The following GRM7 variants were observed in gnomAD, a reference collection of about 807,000 sequenced individuals.
GRM7 encodes metabotropic glutamate receptor 7.
In GRM7, 35 loss-of-function variants were observed where a neutral mutation model predicts 84.5. That is an observed-to-expected ratio of 0.41 (90% CI 0.32 to 0.55). The LOEUF (loss-of-function observed/expected upper bound fraction) is 0.55, where lower values mean the gene tolerates loss of function less well. Among genes scored for constraint, GRM7 ranks in the 20% least tolerant of loss-of-function variants. GRM7 has a pLI of 0.19. For missense variants in GRM7, 1,003 were observed against 1,194.6 expected (o/e 0.84, Z 2.36); for synonymous variants, 487 against 455.1 (o/e 1.07, Z -0.89).
chr3:7,114,324 C>G (rs1044140723), intron 1 of GRM7, among the ~76,000 whole-genome samples: 1 of 152,098 alleles, frequency 6.6e-6, no homozygotes, highest in Non-Finnish European at 1.5e-5. Flanking sequence ...CCTTCACATA[C>G]CTTACTTCAA....
At chr3:7,699,626 T>G (rs1284841326) in intron 9 of GRM7, among the ~76,000 whole-genome samples, 1 of 152,218 alleles carries the variant, frequency 6.6e-6, no homozygotes, top group African/African-American at 2.4e-5. Flanking sequence ...TTTTTTTCTT[T>G]TCTGCTACTT....
intron 2 of GRM7, among the ~76,000 whole-genome samples, chr3:7,294,809 C>T (rs973489661): frequency 6.6e-6 from 1 of 152,174 alleles, no homozygotes; most frequent in African/African-American, 2.4e-5. Context: ...AAGTGAGGAT[C>T]AGAAATGTGC....
intron 4 of GRM7, among the ~76,000 whole-genome samples, chr3:7,391,026 G>A (rs981699327): frequency 1.3e-5 from 2 of 151,632 alleles, no homozygotes; most frequent in African/African-American, 4.8e-5. Flanking sequence ...ATTTGGATGT[G>A]GCTTCTTGAT....
intron 1 of GRM7, among the ~76,000 whole-genome samples, chr3:7,046,705 G>A (rs765524265): frequency 6.6e-6 from 1 of 152,032 alleles, no homozygotes; most frequent in African/African-American, 2.4e-5. Flanking sequence ...GAAGCAGTGA[G>A]ATAACTGAAA....
At chr3:7,650,296 A>G (rs1698872270) in intron 8 of GRM7, among the ~76,000 whole-genome samples, 2 of 152,284 alleles carry the variant, frequency 1.3e-5, no homozygotes, top group South Asian at 4.2e-4. Flanking sequence ...ATGAGGATGT[A>G]AGTCCTCTGA....
chr3:7,347,056 G>GA (rs1272656307), intron 4 of GRM7, among the ~76,000 whole-genome samples: 26 of 152,118 alleles, frequency 1.7e-4, no homozygotes, highest in African/African-American at 5.8e-4. Context: ...CATCCACCAG[G>GA]AAAAAAATGC....
At chr3:7,556,936 G>A (rs188401967) in intron 7 of GRM7, among the ~76,000 whole-genome samples, 98 of 152,300 alleles carry the variant, frequency 6.4e-4, no homozygotes, top group Middle Eastern at 3.4e-3. Context: ...ATGCTCATAG[G>A]ATTGCAGCAT....
intron 9 of GRM7, among the ~76,000 whole-genome samples, chr3:7,734,876 A>C (rs1354269827): frequency 6.6e-6 from 1 of 152,164 alleles, no homozygotes; most frequent in Non-Finnish European, 1.5e-5. Flanking sequence ...TATAAAATGA[A>C]TTGCTTCTTC....
intron 4 of GRM7, among the ~76,000 whole-genome samples, chr3:7,329,908 A>T (rs74594801): frequency 0.45 from 68,454 of 151,708 alleles, 15,609 homozygotes; most frequent in African/African-American, 0.52. Context: ...TTAATTTTCC[A>T]GTTGTGTAGA....
At chr3:7,202,364 T>C (rs1696095581) in intron 2 of GRM7, among the ~76,000 whole-genome samples, 1 of 152,190 alleles carries the variant, frequency 6.6e-6, no homozygotes, top group South Asian at 2.1e-4. Flanking sequence ...AGAGTCTCAC[T>C]CTGTTGCCCA....
At chr3:7,347,519 G>A (rs1289942523) in intron 4 of GRM7, among the ~76,000 whole-genome samples, 1 of 152,112 alleles carries the variant, frequency 6.6e-6, no homozygotes, top group Non-Finnish European at 1.5e-5. Flanking sequence ...TTCTGTCACA[G>A]GACCCGTGCA....
intron 8 of GRM7, among the ~76,000 whole-genome samples, chr3:7,640,029 C>A (rs1444408533): frequency 2.1e-4 from 32 of 151,980 alleles, no homozygotes; most frequent in African/African-American, 7.5e-4. Context: ...TATATACAGC[C>A]CTGTATTCCT....
At position 7,532,080 on chromosome 3, in the gene GRM7, C is replaced by A. The variant is rs1294026574; in HGVS notation, c.1516-46342C>A. On this transcript the variant is annotated intron_variant, in intron 7 of 9. Transcript: ENST00000357716. ...ATCAGGGATATTGGCCTGAAATTTTCTTTTTTTGTTGTGTCTCTTCCAGGT... is the reference window on the plus strand; with the variant it reads ...ATCAGGGATATTGGCCTGAAATTTTATTTTTTTGTTGTGTCTCTTCCAGGT... 2.6e-5 allele frequency among the ~76,000 whole-genome samples: 4 copies of A among 152,150 alleles called. No individual in the cohort carries two copies. The South Asian group carries it at 8.3e-4, about 32-fold the overall frequency.
At chr3:6,929,923 A>AATACCTCAT (rs1315393696) in intron 1 of GRM7, among the ~76,000 whole-genome samples, 1 of 152,182 alleles carries the variant, frequency 6.6e-6, no homozygotes, top group Non-Finnish European at 1.5e-5. Context: ...TCCGGAGATC[A>AATACCTCAT]ATACCTCATA....
intron 1 of GRM7, among the ~76,000 whole-genome samples, chr3:6,979,069 GT>G (rs1694102825): frequency 6.6e-6 from 1 of 152,076 alleles, no homozygotes; most frequent in African/African-American, 2.4e-5. Flanking sequence ...AACCTATTGT[GT>G]TCTTGAAAAA....
At chr3:7,496,979 G>A (rs1699725922) in intron 7 of GRM7, among the ~76,000 whole-genome samples, 1 of 151,750 alleles carries the variant, frequency 6.6e-6, no homozygotes, top group African/African-American at 2.4e-5. Context: ...TAAAAATAGG[G>A]TTAATACTAA....
At position 7,741,445 on chromosome 3, in the gene GRM7, T is replaced by G. The variant is rs1050266945; in HGVS notation, c.*1039T>G. The G allele has an allele frequency of 6.6e-6, 1 of 152,640 alleles. No homozygotes were observed. The highest frequency in any genetic ancestry group is 6.5e-5 in the Admixed American group (1 of 15,278). 9.5% of individuals were successfully genotyped at this position (152,640 alleles called of 1,614,324 possible). ...CCAATTTAGTGGAAAAAAACAACCC[T>G]TGCTGAAAAATTCCCTCTTTCCATT... On this transcript the variant is annotated 3_prime_UTR_variant, in exon 10 of 10. Coordinates refer to ENST00000357716, the MANE Select transcript of GRM7 (RefSeq NM_000844.4).
intron 9 of GRM7, among the ~76,000 whole-genome samples, chr3:7,721,863 CTT>C (rs1362423017): frequency 1.3e-5 from 2 of 152,178 alleles, no homozygotes; most frequent in Non-Finnish European, 2.9e-5. Context: ...CTGCTTTCCC[CTT>C]TGAGTCCACT....
intron 1 of GRM7, among the ~76,000 whole-genome samples, chr3:7,013,705 TG>T (rs1695465111): frequency 6.6e-6 from 1 of 152,138 alleles, no homozygotes; most frequent in African/African-American, 2.4e-5. Context: ...GCAGGAGAAT[TG>T]CTTGAGCCAG....
Sources: gnomAD v4.1 joint callset for allele counts (sites outside exome capture counted in the v4.1 genomes callset) on GRCh38, gnomAD v4.1.1 for gene constraint, MANE v1.5 for transcripts, NCBI Gene and HGNC (gene_info 2026-07-23, HGNC 2026-07-21) for gene names.